Variants in ITGA8 observed in about 807,000 individuals in gnomAD.
ITGA8 encodes the protein integrin subunit alpha 8.
In ITGA8, 91 loss-of-function variants were observed where a neutral mutation model predicts 142.3. The ratio of observed to expected loss-of-function variants is 0.64; its 90% CI spans 0.54 to 0.76. The LOEUF is 0.76. Ranked by LOEUF, ITGA8 falls within the 30% of genes least tolerant of loss-of-function variation. The pLI is 0.00. For missense variants in ITGA8, 1,406 were observed against 1,327.7 expected (o/e 1.06, Z -0.92); for synonymous variants, 505 against 485.2 (o/e 1.04, Z -0.54).
Position 15,597,697 on chromosome 10 carries a change from T to C in ITGA8, c.2119-398A>G, listed in dbSNP as rs572197069. The stretch of plus-strand genomic sequence containing the variant: ...ACAAAATGATCATAATGTGTATAGA[T>C]TATCATATGATTCAATGACCATTTG... On this transcript the variant is annotated intron_variant, in intron 20 of 29. Coordinates refer to ENST00000378076, the MANE Select transcript of ITGA8 (RefSeq NM_003638.3). Among the ~76,000 whole-genome samples, 6 of 152,304 alleles carry C rather than the reference T, an allele frequency of 3.9e-5. 1 individual carries two copies. The South Asian group carries it at 1.2e-3, about 32-fold the overall frequency.
chr10:15,678,680 A>T, intron 5 of ITGA8, 42 bp downstream of exon 5: 1 of 1,415,230 alleles, frequency 7.1e-7, no homozygotes, highest in Non-Finnish European at 1.0e-6. Context: ...GTAAAAAAAA[A>T]TCAGATTAAA....
Position 15,514,906 on chromosome 10 carries a change from C to CTT in ITGA8, c.*2250_*2251dup, listed in dbSNP as rs1227356856. On this transcript the variant is annotated 3_prime_UTR_variant, in exon 30 of 30. Coordinates refer to ENST00000378076, the MANE Select transcript of ITGA8 (RefSeq NM_003638.3). ...GCCTTGCTTCATTCTGGGTCTCAGT[C>CTT]TTCCTCCTGGCATCTCTAGTTCCTT... 6.6e-6 allele frequency: 1 copy of CTT among 152,376 alleles called. No individual in the cohort carries two copies. Among genetic ancestry groups the CTT allele is most frequent in the Non-Finnish European group, 1.5e-5 (1 of 68,172 alleles). 9.4% of individuals were successfully genotyped at this position (152,376 alleles called of 1,614,324 possible).
At chr10:15,719,084 A>C (rs1733619589) in intron 1 of ITGA8, among the ~76,000 whole-genome samples, 185 bp from the exon 2 acceptor site, 6 of 152,148 alleles carry the variant, frequency 3.9e-5, no homozygotes. Flanking sequence ...CCTGGTTTGC[A>C]AGAATGCAAA....
At position 15,616,819 on chromosome 10, in the gene ITGA8, G is replaced by A. The variant is rs142384685; in HGVS notation, c.1400-260C>T. Among the ~76,000 whole-genome samples, 18 of 152,190 alleles carry A rather than the reference G, an allele frequency of 1.2e-4. No individual in the cohort carries two copies. In the East Asian group the frequency reaches 2.1e-3, roughly 18 times the overall value. Reference sequence around the variant, plus strand: ...GGTCAATTTCTAGAAACTCATCATCGCATCACTTTTCCTATCCTTCAGGTT... The same window carrying A: ...GGTCAATTTCTAGAAACTCATCATCACATCACTTTTCCTATCCTTCAGGTT... On this transcript the variant is annotated intron_variant, in intron 13 of 29. Coordinates refer to ENST00000378076, the MANE Select transcript of ITGA8 (RefSeq NM_003638.3).
intron 8 of ITGA8, among the ~76,000 whole-genome samples, chr10:15,665,085 C>T (rs974693294): frequency 1.4e-4 from 21 of 152,150 alleles, no homozygotes; most frequent in Admixed American, 5.2e-4. Context: ...CCCGAGGAAT[C>T]GCCACACTGA....
At chr10:15,593,234 C>T (rs551758238) in intron 21 of ITGA8, among the ~76,000 whole-genome samples, 20 of 152,020 alleles carry the variant, frequency 1.3e-4, no homozygotes, top group South Asian at 4.1e-4. Flanking sequence ...ATTTTCATAA[C>T]GTGGAAATAG....
chr10:15,542,791 T>C (rs1333213098), intron 27 of ITGA8, among the ~76,000 whole-genome samples: 1 of 152,192 alleles, frequency 6.6e-6, no homozygotes, highest in Non-Finnish European at 1.5e-5. Flanking sequence ...CTGACAATAA[T>C]AATACATGTC....
chr10:15,678,891 AAATGATC>A (rs1278422136), intron 4 of ITGA8, 108 bp from the exon 5 acceptor site: 5 of 609,946 alleles, frequency 8.2e-6, no homozygotes, highest in Non-Finnish European at 1.4e-5. Flanking sequence ...TCTAAATTAA[AAATGATC>A]AATATGTGTT....
chr10:15,717,094 A>G (rs1294220552), intron 2 of ITGA8, among the ~76,000 whole-genome samples: 1 of 152,216 alleles, frequency 6.6e-6, no homozygotes, highest in Non-Finnish European at 1.5e-5. Flanking sequence ...AGTACTTACA[A>G]AGTAAGTCAG....
intron 25 of ITGA8, among the ~76,000 whole-genome samples, chr10:15,570,782 A>G (rs985516137): frequency 1.3e-5 from 2 of 152,190 alleles, no homozygotes; most frequent in East Asian, 3.8e-4. Context: ...CACAACCAAC[A>G]TGGTGTACAT....
intron 8 of ITGA8, among the ~76,000 whole-genome samples, chr10:15,663,162 G>T (rs1371751691): frequency 6.6e-6 from 1 of 152,080 alleles, no homozygotes; most frequent in African/African-American, 2.4e-5. Flanking sequence ...ATTCCCTGTT[G>T]TCTAATTAAG....
At chr10:15,555,226 T>G (rs936353241) in intron 26 of ITGA8, among the ~76,000 whole-genome samples, 1 of 152,224 alleles carries the variant, frequency 6.6e-6, no homozygotes, top group African/African-American at 2.4e-5. Flanking sequence ...CGGCTTGCAA[T>G]ATATCATTGG....
chr10:15,631,055 T>G (rs911672754), intron 13 of ITGA8, among the ~76,000 whole-genome samples: 4 of 152,026 alleles, frequency 2.6e-5, no homozygotes, highest in Admixed American at 1.3e-4. Flanking sequence ...AAGTTCCTTA[T>G]AGATTCTGGA....
At chr10:15,543,598 T>C (rs896974394) in intron 27 of ITGA8, among the ~76,000 whole-genome samples, 2 of 152,196 alleles carry the variant, frequency 1.3e-5, no homozygotes, top group Non-Finnish European at 2.9e-5. Context: ...ATTAATTGCT[T>C]TCTTCTCATA....
At position 15,684,089 on chromosome 10, in the gene ITGA8, C is replaced by G; in HGVS notation, c.483G>C (p.Pro161=). The G allele has an allele frequency of 6.2e-7, 1 of 1,614,002 alleles. No individual in the cohort carries two copies. Among genetic ancestry groups the G allele is most frequent in the Non-Finnish European group, 8.5e-7 (1 of 1,179,952 alleles). Residue 161 remains proline, a synonymous_variant, in exon 4 of 30, where the codon CCG becomes CCC. Coordinates refer to ENST00000378076, the MANE Select transcript of ITGA8 (RefSeq NM_003638.3). ...APLYHWRTLK[P]TPEKDPVGTC... is the part of the protein sequence containing the mutation. The stretch of plus-strand genomic sequence containing the variant: ...TGCCAACTGGGTCCTTTTCTGGTGT[C>G]GGTTTAAGAGTTCTCCAGTGATATA...
chr10:15,584,288 C>T (rs1311463494), intron 23 of ITGA8, among the ~76,000 whole-genome samples: 1 of 134,000 alleles, frequency 7.5e-6, no homozygotes, highest in East Asian at 2.3e-4. Flanking sequence ...TGCAGCGAGA[C>T]TGTCAAGAAA....
At chr10:15,680,199 A>G (rs1275045548) in intron 4 of ITGA8, among the ~76,000 whole-genome samples, 1 of 113,496 alleles carries the variant, frequency 8.8e-6, no homozygotes, top group Non-Finnish European at 1.8e-5. Flanking sequence ...GTCACCATCA[A>G]TTTTTTCCAG....
chr10:15,613,591 G>A, intron 15 of ITGA8, 69 bp downstream of exon 15: 1 of 1,118,168 alleles, frequency 8.9e-7, no homozygotes. Flanking sequence ...ATCCAAATCT[G>A]TATTTTTCAC....
At chr10:15,628,391 T>C (rs1304696839) in intron 13 of ITGA8, among the ~76,000 whole-genome samples, 1 of 126,104 alleles carries the variant, frequency 7.9e-6, no homozygotes. Flanking sequence ...TGGAATGCAG[T>C]GGCCGATCTC....
Sources: gnomAD v4.1 joint callset for allele counts (sites outside exome capture counted in the v4.1 genomes callset) on GRCh38, gnomAD v4.1.1 for gene constraint, MANE v1.5 for transcripts, NCBI Gene and HGNC (gene_info 2026-07-23, HGNC 2026-07-21) for gene names.